TBX15: variants seen among roughly 807,000 people sequenced by gnomAD.
TBX15 encodes T-box transcription factor TBX15.
A neutral mutation model predicts 53.9 loss-of-function variants in TBX15; 18 were observed. The ratio of observed to expected loss-of-function variants is 0.33; its 90% CI spans 0.23 to 0.49. The LOEUF (loss-of-function observed/expected upper bound fraction) is 0.49, where lower values mean the gene tolerates loss of function less well. Among genes scored for constraint, TBX15 ranks in the 20% least tolerant of loss-of-function variants. The pLI is 0.98. For synonymous variants in TBX15, 295 were observed against 278.0 expected (o/e 1.06, Z -0.61); for missense variants, 692 against 749.5 (o/e 0.92, Z 0.90).
At chr1:118,922,023 G>T (rs1256183660) in intron 5 of TBX15, among the ~76,000 whole-genome samples, 1 of 152,184 alleles carries the variant, frequency 6.6e-6, no homozygotes, top group Non-Finnish European at 1.5e-5. Context: ...CAGGATTCCT[G>T]GGGGAAAGAC....
upstream of TBX15, among the ~76,000 whole-genome samples, chr1:118,989,017 G>A (rs952588735): frequency 1.3e-5 from 2 of 152,220 alleles, no homozygotes; most frequent in African/African-American, 4.8e-5. Context: ...GGTTTAGGGC[G>A]AGCTCCTCAG....
chr1:118,895,053 C>G (rs966013209), intron 7 of TBX15, among the ~76,000 whole-genome samples: 1 of 152,146 alleles, frequency 6.6e-6, no homozygotes, highest in Admixed American at 6.5e-5. Flanking sequence ...TGGCTCATGT[C>G]CACTAAATTG....
intron 1 of TBX15, among the ~76,000 whole-genome samples, chr1:118,971,829 A>T (rs560203683): frequency 3.3e-5 from 5 of 152,242 alleles, no homozygotes; most frequent in Non-Finnish European, 5.9e-5. Context: ...TCAATCTAAT[A>T]GGGCAAAAGG....
chr1:118,959,200 A>G (rs1222292429), intron 1 of TBX15, among the ~76,000 whole-genome samples: 1 of 152,182 alleles, frequency 6.6e-6, no homozygotes, highest in African/African-American at 2.4e-5. Flanking sequence ...ACTGTGCTAG[A>G]TACCTCCCAC....
chr1:118,930,188 C>T (rs1655733711), intron 2 of TBX15, among the ~76,000 whole-genome samples: 1 of 152,128 alleles, frequency 6.6e-6, no homozygotes, highest in Non-Finnish European at 1.5e-5. Flanking sequence ...TCCTTATATA[C>T]ACGTAGATAA....
chr1:118,883,852 G>A lies in TBX15; in HGVS notation c.*880C>T, dbSNP rs541280335. ...CTGTAGTGGGGCGGGCGGGGTTTGG[G>A]GGGACAAACCAAAAACACGTCTCCT... On this transcript the variant is annotated 3_prime_UTR_variant, in exon 8 of 8. Transcript: ENST00000369429. 6.6e-6 allele frequency: 1 copy of A among 152,242 alleles called. No homozygotes were observed. The highest frequency in any genetic ancestry group is 2.4e-5 in the African/African-American group (1 of 41,280). The allele number at this position is 152,242 out of a possible 1,614,324, so 9.4% of individuals were successfully genotyped here. A position where few individuals can be genotyped will look rare whatever the true frequency, so the allele number is the denominator to read the frequency against.
intron 5 of TBX15, among the ~76,000 whole-genome samples, chr1:118,917,595 A>G (rs1571172419): frequency 6.6e-6 from 1 of 152,320 alleles, no homozygotes; most frequent in South Asian, 2.1e-4. Context: ...AAAATTTTTA[A>G]AAGAAAGGCC....
intron 1 of TBX15, among the ~76,000 whole-genome samples, chr1:118,956,003 G>A (rs561473098): frequency 2.6e-5 from 4 of 152,188 alleles, no homozygotes; most frequent in African/African-American, 9.6e-5. Flanking sequence ...CTAATTAATA[G>A]GATTAGTGCC....
At chr1:118,905,231 A>T (rs1464746892) in intron 6 of TBX15, among the ~76,000 whole-genome samples, 1 of 152,170 alleles carries the variant, frequency 6.6e-6, no homozygotes, top group East Asian at 1.9e-4. Flanking sequence ...TCTCAAAGAA[A>T]CAAAAACGTG....
intron 1 of TBX15, among the ~76,000 whole-genome samples, chr1:118,977,275 A>G (rs1207976948): frequency 6.6e-6 from 1 of 152,196 alleles, no homozygotes; most frequent in Non-Finnish European, 1.5e-5. Context: ...TATACATATA[A>G]TTGTTATATA....
chr1:118,939,601 C>T (rs995562268), intron 1 of TBX15, among the ~76,000 whole-genome samples: 1 of 149,548 alleles, frequency 6.7e-6, no homozygotes, highest in Non-Finnish European at 1.5e-5. Context: ...ACTGTGCTCA[C>T]TACCTGCGTG....
intron 5 of TBX15, among the ~76,000 whole-genome samples, chr1:118,923,058 T>A (rs1766792): frequency 0.83 from 125,271 of 151,234 alleles, 52,404 homozygotes; most frequent in Non-Finnish European, 0.89. Context: ...TCCAAAGTCC[T>A]TGTCTATGTT....
intron 2 of TBX15, among the ~76,000 whole-genome samples, chr1:118,931,083 T>C (rs1766795): frequency 0.61 from 93,127 of 152,094 alleles, 28,644 homozygotes; most frequent in East Asian, 0.79. Context: ...AATTTTGTAA[T>C]CCTAGAAAAA....
intron 1 of TBX15, among the ~76,000 whole-genome samples, chr1:118,973,787 C>T (rs891629169): frequency 7.9e-5 from 12 of 152,092 alleles, no homozygotes; most frequent in African/African-American, 1.9e-4. Flanking sequence ...CACACACACA[C>T]GCACACACAC....
At chr1:118,926,912 G>A (rs1655618368) in intron 2 of TBX15, among the ~76,000 whole-genome samples, 1 of 151,332 alleles carries the variant, frequency 6.6e-6, no homozygotes, top group Admixed American at 6.6e-5. Flanking sequence ...GTTTAGTAGA[G>A]ATGGGGTTTC....
chr1:118,942,698 A>G (rs1395162210), intron 1 of TBX15, among the ~76,000 whole-genome samples: 1 of 152,210 alleles, frequency 6.6e-6, no homozygotes, highest in African/African-American at 2.4e-5. Context: ...AACTGAGTTC[A>G]AAGAGTTCAG....
At chr1:118,922,491 A>C (rs1024274464) in intron 5 of TBX15, among the ~76,000 whole-genome samples, 1 of 152,214 alleles carries the variant, frequency 6.6e-6, no homozygotes, top group African/African-American at 2.4e-5. Flanking sequence ...TTTAGTCCTC[A>C]TAGCTCTACG....
At chr1:118,907,491 G>T (rs1244641740) in intron 6 of TBX15, among the ~76,000 whole-genome samples, 2 of 152,174 alleles carry the variant, frequency 1.3e-5, no homozygotes, top group East Asian at 3.9e-4. Flanking sequence ...CCCTATCAAG[G>T]ATGGCTTGAT....
rs1653870779 is a variant in TBX15 at position 118,884,862 on chromosome 1, G to A, written c.1679C>T (p.Ser560Leu). Reference sequence around the variant, plus strand: ...CATGTGCATGCTGTGCTCCATCCCTGACGGCAGGTACTGCCTCTCTCCAAA... The same window carrying A: ...CATGTGCATGCTGTGCTCCATCCCTAACGGCAGGTACTGCCTCTCTCCAAA... ...GAFGERQYLP[S>L]GMEHSMHMIS... Residue 560 changes from serine to leucine, a missense_variant, in exon 8 of 8, where the codon TCA becomes TTA. Coordinates refer to ENST00000369429, the MANE Select transcript of TBX15 (RefSeq NM_001330677.2). 3.1e-6 allele frequency: 5 copies of A among 1,614,196 alleles called. No individual in the cohort carries two copies. Among genetic ancestry groups the A allele is most frequent in the Non-Finnish European group, 4.2e-6 (5 of 1,180,024 alleles).
Sources: gnomAD v4.1 joint callset for allele counts (sites outside exome capture counted in the v4.1 genomes callset) on GRCh38, gnomAD v4.1.1 for gene constraint, MANE v1.5 for transcripts, NCBI Gene and HGNC (gene_info 2026-07-23, HGNC 2026-07-21) for gene names.